The following FHOD3 variants were observed in gnomAD, a reference collection of about 807,000 sequenced individuals.
FHOD3 encodes formin homology 2 domain containing 3.
A neutral mutation model predicts 173.0 loss-of-function variants in FHOD3; 90 were observed. That is an observed-to-expected ratio of 0.52 (90% CI 0.44 to 0.62). The LOEUF is 0.62. Ranked by LOEUF, FHOD3 falls within the 20% of genes least tolerant of loss-of-function variation. The pLI is 0.00. For synonymous variants in FHOD3, 828 were observed against 823.0 expected (o/e 1.01, Z -0.10); for missense variants, 1,945 against 2,034.7 (o/e 0.96, Z 0.85).
At chr18:36,308,289 T>C (rs1311251637) in intron 1 of FHOD3, among the ~76,000 whole-genome samples, 1 of 152,204 alleles carries the variant, frequency 6.6e-6, no homozygotes, top group East Asian at 1.9e-4. Flanking sequence ...AGGATAAAGA[T>C]TTCATCTTGG....
intron 8 of FHOD3, 95 bp downstream of exon 8, chr18:36,602,863 A>G: frequency 3.2e-6 from 3 of 934,940 alleles, no homozygotes; most frequent in Non-Finnish European, 5.2e-6. Flanking sequence ...TTATTTGGAA[A>G]TAGTGTCGTA....
chr18:36,326,827 T>C (rs181477728), intron 1 of FHOD3, among the ~76,000 whole-genome samples: 2 of 152,170 alleles, frequency 1.3e-5, no homozygotes, highest in Admixed American at 6.5e-5. Context: ...ACTGAATTAC[T>C]TGGTTTGTGA....
At chr18:36,690,871 A>C (rs527797) in intron 16 of FHOD3, among the ~76,000 whole-genome samples, 106,331 of 152,106 alleles carry the variant, frequency 0.7, 37,256 homozygotes, top group African/African-American at 0.71. Flanking sequence ...TCATCTTATA[A>C]AACTGAACCT....
intron 3 of FHOD3, among the ~76,000 whole-genome samples, chr18:36,426,139 T>C (rs1308172543): frequency 6.6e-6 from 1 of 151,934 alleles, no homozygotes; most frequent in Non-Finnish European, 1.5e-5. Flanking sequence ...CTCCTGACCT[T>C]GTGATCCGCC....
At chr18:36,651,873 G>A (rs1488456043) in intron 11 of FHOD3, among the ~76,000 whole-genome samples, 1 of 152,206 alleles carries the variant, frequency 6.6e-6, no homozygotes, top group African/African-American at 2.4e-5. Flanking sequence ...TGTGTGTGGA[G>A]GGACTGAGGT....
chr18:36,455,778 C>T (rs56741820), intron 3 of FHOD3, among the ~76,000 whole-genome samples: 1 of 152,154 alleles, frequency 6.6e-6, no homozygotes, highest in Non-Finnish European at 1.5e-5. Flanking sequence ...CTGGCTGCAG[C>T]TACCCTAAGT....
At position 36,625,610 on chromosome 18, in the gene FHOD3, G is replaced by A. The variant is rs1171314879; in HGVS notation, c.1057G>A (p.Glu353Lys). The change falls in exon 10 of 29, where the codon GAG (glutamate) becomes AAG (lysine). Residue 353 changes from glutamate to lysine, a missense_variant. Around this residue, in one of 5 missense-constraint regions of FHOD3, gnomAD observed 1,099 missense variants for 1,051.2 expected, o/e 1.05. Coordinates refer to ENST00000590592, the MANE Select transcript of FHOD3 (RefSeq NM_001281740.3). ...CAGCGTGTGTTCCAGTGGCGGAGGC[G>A]AGCACCGGGGCCTGGACCGCAGAAG... Reference protein sequence around the residue: ...RASVCSSGGGEHRGLDRRRSR... With the variant: ...RASVCSSGGGKHRGLDRRRSR... 12 of 1,586,674 alleles carry A rather than the reference G, an allele frequency of 7.6e-6. No homozygotes were observed. Among genetic ancestry groups the A allele is most frequent in the East Asian group, 2.3e-5 (1 of 43,026 alleles).
intron 3 of FHOD3, among the ~76,000 whole-genome samples, chr18:36,408,084 A>C (rs149179965): frequency 2.0e-5 from 3 of 152,298 alleles, no homozygotes; most frequent in African/African-American, 7.2e-5. Flanking sequence ...CGCCTTCCAG[A>C]GCCCTTGGGG....
At chr18:36,460,758 T>C (rs2052501431) in intron 3 of FHOD3, among the ~76,000 whole-genome samples, 1 of 152,226 alleles carries the variant, frequency 6.6e-6, no homozygotes, top group Non-Finnish European at 1.5e-5. Context: ...AACATCACTT[T>C]CTAATAGGTC....
At chr18:36,669,394 T>A (rs1251791140) in intron 14 of FHOD3, among the ~76,000 whole-genome samples, 2 of 151,992 alleles carry the variant, frequency 1.3e-5, no homozygotes, top group Admixed American at 6.6e-5. Flanking sequence ...TGATAATCTC[T>A]ACCTTTTAAT....
intron 10 of FHOD3, among the ~76,000 whole-genome samples, chr18:36,639,268 G>A (rs963289394): frequency 1.6e-4 from 24 of 152,156 alleles, no homozygotes; most frequent in African/African-American, 5.6e-4. Flanking sequence ...ATTGGCCGGC[G>A]TGGTGGCTCA....
chr18:36,547,318 G>T (rs1391739775), intron 5 of FHOD3, among the ~76,000 whole-genome samples: 1 of 152,216 alleles, frequency 6.6e-6, no homozygotes, highest in Non-Finnish European at 1.5e-5. Context: ...CACCACAGCC[G>T]AGACTCACAG....
At chr18:36,653,613 G>A (rs1568555681) in intron 13 of FHOD3, among the ~76,000 whole-genome samples, 197 bp downstream of exon 13, 1 of 152,168 alleles carries the variant, frequency 6.6e-6, no homozygotes. Flanking sequence ...GAGGGCAGAG[G>A]GAGGTGTGCA....
intron 3 of FHOD3, among the ~76,000 whole-genome samples, chr18:36,440,165 A>T (rs768332422): frequency 6.6e-6 from 1 of 152,154 alleles, no homozygotes; most frequent in African/African-American, 2.4e-5. Context: ...TAAGCTCCCA[A>T]GTGATGCTGA....
At chr18:36,305,764 C>T (rs771870318) in intron 1 of FHOD3, among the ~76,000 whole-genome samples, 4 of 152,104 alleles carry the variant, frequency 2.6e-5, no homozygotes, top group Admixed American at 6.5e-5. Context: ...GGGGAGAAAA[C>T]GAGGAGGAGG....
intron 3 of FHOD3, among the ~76,000 whole-genome samples, chr18:36,438,416 T>C (rs1847795189): frequency 6.6e-6 from 1 of 152,078 alleles, no homozygotes; most frequent in South Asian, 2.1e-4. Flanking sequence ...AACTTCCCTC[T>C]CCCACCGGCT....
At chr18:36,631,302 T>G (rs1332222588) in intron 10 of FHOD3, among the ~76,000 whole-genome samples, 2 of 152,168 alleles carry the variant, frequency 1.3e-5, no homozygotes, top group African/African-American at 4.8e-5. Context: ...GTGGAGGTAT[T>G]GAAGCATGGG....
rs550840020 is a variant in FHOD3, at chr18:36,577,576, C to T, written c.606+1031C>T. Reference sequence around the variant, plus strand: ...TTGGCCTCTCAAAGTGCTGGGGTTACAGGTGGGAGCCACCACATCCGGCCC... The same window carrying T: ...TTGGCCTCTCAAAGTGCTGGGGTTATAGGTGGGAGCCACCACATCCGGCCC... On this transcript the variant is annotated intron_variant, in intron 6 of 28. Coordinates refer to ENST00000590592, the MANE Select transcript of FHOD3 (RefSeq NM_001281740.3). Among the ~76,000 whole-genome samples the T allele has an allele frequency of 2.6e-5, 4 of 152,360 alleles. No homozygotes were observed. The South Asian group carries it at 8.3e-4, about 32-fold the overall frequency.
chr18:36,393,121 T>C (rs1315679704), intron 3 of FHOD3, among the ~76,000 whole-genome samples: 1 of 152,256 alleles, frequency 6.6e-6, no homozygotes, highest in African/African-American at 2.4e-5. Context: ...GATGTGGTCA[T>C]TCCAGAGTGT....
Sources: allele counts gnomAD v4.1 joint callset (sites outside exome capture counted in the v4.1 genomes callset), GRCh38; gene constraint gnomAD v4.1.1; regional missense constraint gnomAD v4.1.1; transcripts MANE v1.5; gene names NCBI Gene and HGNC (gene_info 2026-07-23, HGNC 2026-07-21).